Variants in NYAP2 observed in about 807,000 individuals in gnomAD.
The protein encoded by NYAP2 is neuronal tyrosine-phosphorylated phosphoinositide-3-kinase adaptor 2.
Under a neutral mutation model 50.4 loss-of-function variants are expected in NYAP2, and 23 were observed. That is an observed-to-expected ratio of 0.46 (90% CI 0.33 to 0.65). NYAP2 has a LOEUF of 0.65. Ranked by LOEUF, NYAP2 falls within the 30% of genes least tolerant of loss-of-function variation. NYAP2 has a pLI of 0.02. For missense variants in NYAP2, 885 were observed against 861.0 expected, an observed-to-expected ratio of 1.03 and a Z score of -0.35; for synonymous variants, 394 against 365.2, an observed-to-expected ratio of 1.08 and a Z score of -0.90.
At chr2:225,476,478 A>C (rs1349212576) in intron 3 of NYAP2, among the ~76,000 whole-genome samples, 1 of 152,080 alleles carries the variant, frequency 6.6e-6, no homozygotes, top group African/African-American at 2.4e-5. Context: ...GGAACATTCT[A>C]TTTCTAATGC....
intron 4 of NYAP2, among the ~76,000 whole-genome samples, chr2:225,535,020 C>G (rs565281602): frequency 1.3e-5 from 2 of 152,244 alleles, no homozygotes; most frequent in South Asian, 4.2e-4. Flanking sequence ...AAAACTGTCC[C>G]CAGGAGTTTC....
At chr2:225,672,222 G>C in the NYAP2 span, among the ~76,000 whole-genome samples, 1 of 152,050 alleles carries the variant, frequency 6.6e-6, no homozygotes, top group Non-Finnish European at 1.5e-5. Context: ...TACATCAAAA[G>C]TCTTTTTAGT....
chr2:225,400,865 C>A (rs1179479546), exon 2 of NYAP2: 1 of 152,482 alleles, frequency 6.6e-6, no homozygotes, highest in Non-Finnish European at 1.5e-5. Flanking sequence ...GACACTTTTC[C>A]CATCCAGACA....
chr2:225,683,007 AT>A, the NYAP2 span, among the ~76,000 whole-genome samples: 2 of 120,228 alleles, frequency 1.7e-5, no homozygotes, highest in South Asian at 4.4e-4. Flanking sequence ...AGTAATAGTC[AT>A]TTCCCCCCCC....
the NYAP2 span, among the ~76,000 whole-genome samples, chr2:225,660,605 C>T: frequency 2.6e-5 from 4 of 151,982 alleles, no homozygotes; most frequent in African/African-American, 9.7e-5. Context: ...GCCAACTCAG[C>T]CTGTGGAAAC....
intron 2 of NYAP2, among the ~76,000 whole-genome samples, chr2:225,406,344 C>T (rs535326588): frequency 2.6e-4 from 40 of 151,878 alleles, no homozygotes; most frequent in Non-Finnish European, 5.3e-4. Context: ...TGACCGTTTT[C>T]GGAGACTAAC....
At chr2:225,419,413 T>A (rs1484000105) in intron 3 of NYAP2, among the ~76,000 whole-genome samples, 1 of 152,220 alleles carries the variant, frequency 6.6e-6, no homozygotes, top group Non-Finnish European at 1.5e-5. Context: ...GGTTATTACC[T>A]CATTGTAAGA....
chr2:225,582,550 C>A lies in NYAP2; in HGVS notation c.1133C>A (p.Ala378Glu), dbSNP rs1045254100. The change falls in exon 5 of 7, where the codon GCG becomes GAG. Residue 378 changes from alanine to glutamate, a missense_variant. By Grantham distance (107) the Ala-to-Glu change is moderately radical. Coordinates refer to ENST00000636099, the Ensembl canonical transcript of NYAP2. The surrounding 1 kb of genome is among the most constrained non-coding windows in gnomAD (Gnocchi z 7.0). ...TCTTACATGAAACAGCCAGCCGGGG[C>A]GTCGCCCTCCACGCTGCCGTCCCAC... 2 of 1,582,530 alleles carry A rather than the reference C, an allele frequency of 1.3e-6. No homozygotes were observed. The highest frequency in any genetic ancestry group is 1.4e-5 in the African/African-American group (1 of 73,870).
chr2:225,697,793 C>T, the NYAP2 span, among the ~76,000 whole-genome samples: 6 of 151,782 alleles, frequency 4.0e-5, no homozygotes, highest in Admixed American at 6.6e-5. Context: ...TTAAATATCG[C>T]GATGTTTACT....
chr2:225,620,433 A>ATG (rs1693075093), intron 5 of NYAP2, among the ~76,000 whole-genome samples: 1 of 30,706 alleles, frequency 3.3e-5, no homozygotes, highest in Non-Finnish European at 8.7e-5. Context: ...ACACGCACGC[A>ATG]CACACGCACG....
intron 3 of NYAP2, among the ~76,000 whole-genome samples, chr2:225,488,511 T>C (rs1167587765): frequency 1.3e-5 from 2 of 152,114 alleles, no homozygotes; most frequent in African/African-American, 2.4e-5. Flanking sequence ...GTAGTTGAGA[T>C]TACAGGCACA....
intron 4 of NYAP2, among the ~76,000 whole-genome samples, chr2:225,545,229 C>T (rs1312246294): frequency 2.0e-5 from 3 of 152,122 alleles, no homozygotes; most frequent in Non-Finnish European, 4.4e-5. Flanking sequence ...ATATCCTTCT[C>T]TATGTTTGGG....
At chr2:225,595,813 A>G (rs1228977697) in intron 5 of NYAP2, among the ~76,000 whole-genome samples, 1 of 152,108 alleles carries the variant, frequency 6.6e-6, no homozygotes, top group African/African-American at 2.4e-5. Context: ...TCCATGGCCA[A>G]TCCACTTAAG....
chr2:225,406,311 T>A (rs1431389614), intron 2 of NYAP2, among the ~76,000 whole-genome samples: 4 of 151,950 alleles, frequency 2.6e-5, no homozygotes, highest in African/African-American at 4.8e-5. Flanking sequence ...AGAGGTGTGA[T>A]GTTTAGACAT....
At chr2:225,639,829 G>T (rs754735095) in intron 6 of NYAP2, among the ~76,000 whole-genome samples, 1 of 152,130 alleles carries the variant, frequency 6.6e-6, no homozygotes, top group Non-Finnish European at 1.5e-5. Flanking sequence ...GCTTCCTTTA[G>T]AGTGTGTTTC....
At position 225,446,079 on chromosome 2, in the gene NYAP2, G is replaced by A. The variant is rs979874933; in HGVS notation, c.221+36978G>A. Among the ~76,000 whole-genome samples, 5 of 151,676 alleles carry A rather than the reference G, an allele frequency of 3.3e-5. No individual in the cohort carries two copies. The East Asian group carries it at 9.7e-4, about 29-fold the overall frequency. On this transcript the variant is annotated intron_variant, in intron 3 of 6. Transcript: ENST00000636099. ...GCCTGTAATCTCAGCTACTCTGGAG[G>A]CTAAGGCAGGAGAACCATTCGAACC...
chr2:225,531,192 C>T (rs750635321), intron 4 of NYAP2, among the ~76,000 whole-genome samples: 10 of 152,202 alleles, frequency 6.6e-5, no homozygotes, highest in Non-Finnish European at 1.2e-4. Context: ...GCCACACCTC[C>T]TGCCAACCAT....
In NYAP2 at chr2:225,558,369, C is replaced by T. The variant is rs997895429; in HGVS notation, c.524-23572C>T. 2.0e-5 allele frequency among the ~76,000 whole-genome samples: 3 copies of T among 152,030 alleles called. 1 individual carries two copies. Among genetic ancestry groups the T allele is most frequent in the African/African-American group, 7.3e-5 (3 of 41,370 alleles). Reference sequence around the variant, plus strand: ...TACTTTTAGAGGCTTTAGGGGAAACCCTTTGTCCATTTTTCCAGCTTCTTT... The same window carrying T: ...TACTTTTAGAGGCTTTAGGGGAAACTCTTTGTCCATTTTTCCAGCTTCTTT... On this transcript the variant is annotated intron_variant, in intron 4 of 6. Transcript: ENST00000636099.
chr2:225,570,732 G>T (rs894901112), intron 4 of NYAP2, among the ~76,000 whole-genome samples: 8 of 152,048 alleles, frequency 5.3e-5, no homozygotes, highest in African/African-American at 1.7e-4. Context: ...ATATCATTCT[G>T]CCCCCTGGCC....
Sources: gnomAD v4.1 joint callset for allele counts (sites outside exome capture counted in the v4.1 genomes callset) on GRCh38, gnomAD v4.1.1 for gene constraint, Gnocchi (gnomAD v3.1) non-coding constraint, MANE v1.5 for transcripts, NCBI Gene and HGNC (gene_info 2026-07-23, HGNC 2026-07-21) for gene names.